The following RNF111 variants were observed in gnomAD, a reference collection of about 807,000 sequenced individuals.
RNF111 encodes ring finger protein 111, also known as E3 ubiquitin-protein ligase Arkadia.
In RNF111, 17 loss-of-function variants were observed where a neutral mutation model predicts 95.1. That is an observed-to-expected ratio of 0.18 (90% CI 0.12 to 0.27). RNF111 has a LOEUF of 0.27. Ranked by LOEUF, RNF111 falls within the 10% of genes least tolerant of loss-of-function variation. RNF111 has a pLI of 1.00. For missense variants in RNF111, 1,189 were observed against 1,210.4 expected, an observed-to-expected ratio of 0.98 and a Z score of 0.26; for synonymous variants, 440 against 414.8, an observed-to-expected ratio of 1.06 and a Z score of -0.74.
At chr15:58,990,162 C>A (rs1219012404) in intron 1 of RNF111, among the ~76,000 whole-genome samples, 2 of 152,132 alleles carry the variant, frequency 1.3e-5, no homozygotes, top group Non-Finnish European at 2.9e-5. Context: ...ATTGTTAACC[C>A]TCCTTGGGCT....
chr15:58,991,676 G>A (rs570923159), intron 1 of RNF111, among the ~76,000 whole-genome samples: 5 of 152,318 alleles, frequency 3.3e-5, no homozygotes, highest in Non-Finnish European at 5.9e-5. Context: ...AGATAGCAGG[G>A]GCGGCAAATG....
chr15:59,085,567 G>A lies in RNF111; in HGVS notation c.2424-92G>A, dbSNP rs374289514. The stretch of plus-strand genomic sequence containing the variant: ...CAGCTTTGTAAGTTAAGAAACCTTA[G>A]ATTACTTTTTTAAGTGTAAACATAA... On this transcript the variant is annotated intron_variant, in intron 9 of 13. Transcript: ENST00000348370. 122 of 1,106,906 alleles carry A rather than the reference G, an allele frequency of 1.1e-4. 1 individual carries two copies. In the East Asian group the frequency reaches 1.6e-3, roughly 15 times the overall value. The allele number at this position is 1,106,906 out of a possible 1,614,324, so 68.6% of individuals were successfully genotyped here. A position where few individuals can be genotyped will look rare whatever the true frequency, so the allele number is the denominator to read the frequency against.
intron 13 of RNF111, among the ~76,000 whole-genome samples, 179 bp from the exon 14 acceptor site, chr15:59,094,604 A>T (rs2079143887): frequency 6.6e-6 from 1 of 152,106 alleles, no homozygotes; most frequent in Non-Finnish European, 1.5e-5. Context: ...AAAGTTAATT[A>T]TCTTGATCAT....
At chr15:59,037,614 A>G (rs2041241728) in intron 2 of RNF111, among the ~76,000 whole-genome samples, 1 of 152,202 alleles carries the variant, frequency 6.6e-6, no homozygotes, top group Non-Finnish European at 1.5e-5. Context: ...AGGCAGGTGG[A>G]TCACCTGAGG....
chr15:59,009,783 C>T (rs1467547312), intron 1 of RNF111, among the ~76,000 whole-genome samples: 2 of 151,874 alleles, frequency 1.3e-5, no homozygotes, highest in African/African-American at 4.8e-5. Context: ...GGCAAAACCT[C>T]GTCTCTGCAA....
At chr15:59,018,623 C>A (rs1163680082) in intron 1 of RNF111, among the ~76,000 whole-genome samples, 2 of 152,046 alleles carry the variant, frequency 1.3e-5, no homozygotes, top group African/African-American at 2.4e-5. Context: ...TAAATTTCTA[C>A]CCTATTGTTT....
intron 1 of RNF111, among the ~76,000 whole-genome samples, chr15:59,012,853 C>G (rs1416639450): frequency 2.6e-5 from 4 of 152,106 alleles, no homozygotes; most frequent in African/African-American, 9.7e-5. Flanking sequence ...ATTCTCCCAC[C>G]TCAGCCTCCC....
intron 1 of RNF111, among the ~76,000 whole-genome samples, chr15:59,025,853 C>T (rs1361136003): frequency 2.0e-5 from 3 of 152,078 alleles, no homozygotes; most frequent in Non-Finnish European, 4.4e-5. Flanking sequence ...GCCTCAGCCT[C>T]CCGAGTAGCT....
intron 1 of RNF111, among the ~76,000 whole-genome samples, chr15:59,020,682 C>G (rs2040296323): frequency 6.6e-6 from 1 of 152,042 alleles, no homozygotes; most frequent in African/African-American, 2.4e-5. Context: ...GAAATTGAAA[C>G]CTATTAGTTG....
intron 5 of RNF111, among the ~76,000 whole-genome samples, chr15:59,061,595 T>C (rs1211410303): frequency 2.6e-5 from 4 of 152,228 alleles, no homozygotes; most frequent in East Asian, 1.9e-4. Context: ...ATATAAACTT[T>C]TGTGGCTCTC....
chr15:59,015,339 CATT>C (rs1485912894), intron 1 of RNF111, among the ~76,000 whole-genome samples: 2 of 152,014 alleles, frequency 1.3e-5, no homozygotes, highest in Non-Finnish European at 2.9e-5. Context: ...TTTATTTTAT[CATT>C]CTTATGAATT....
intron 1 of RNF111, among the ~76,000 whole-genome samples, chr15:59,010,637 G>C (rs376816195): frequency 4.6e-5 from 7 of 152,194 alleles, no homozygotes; most frequent in African/African-American, 1.7e-4. Flanking sequence ...CCTGACATCA[G>C]GTGATCTGCC....
intron 1 of RNF111, among the ~76,000 whole-genome samples, chr15:59,014,196 C>T (rs1432976259): frequency 1.3e-5 from 2 of 152,132 alleles, no homozygotes; most frequent in South Asian, 4.1e-4. Flanking sequence ...TTCCAGTGTC[C>T]TGTTTGACAT....
chr15:59,067,161 T>C, intron 6 of RNF111, 78 bp downstream of exon 6: 1 of 1,192,246 alleles, frequency 8.4e-7, no homozygotes, highest in Non-Finnish European at 1.2e-6. Flanking sequence ...TTTCTCTCTC[T>C]TCCTCTTCCT....
At chr15:59,032,214 C>T (rs565317048) in intron 2 of RNF111, among the ~76,000 whole-genome samples, 2 of 152,308 alleles carry the variant, frequency 1.3e-5, no homozygotes, top group Non-Finnish European at 2.9e-5. Context: ...GATGGGATTA[C>T]AGGCATGAGC....
Position 59,066,896 on chromosome 15 carries a change from C to G in RNF111, c.1499C>G (p.Pro500Arg). The change falls in exon 6 of 14, where the codon CCT becomes CGT. Residue 500 changes from proline to arginine, a missense_variant. Pro to Arg is a moderately radical substitution (Grantham distance 103). Coordinates refer to ENST00000348370, the MANE Select transcript of RNF111 (RefSeq NM_017610.8). ...CAGAACCACCATGCATTAGGACATC[C>G]TCATACAAGTTGCTTTCAGCAGCAT... is the stretch of plus-strand genomic sequence containing the variant. ...SSQNHHALGH[P>R]HTSCFQQHGH... is the part of the protein sequence containing the mutation. The G allele has an allele frequency of 1.2e-6, 2 of 1,614,060 alleles. No homozygotes were observed. The highest frequency in any genetic ancestry group is 1.7e-6 in the Non-Finnish European group (2 of 1,180,008).
intron 1 of RNF111, among the ~76,000 whole-genome samples, chr15:59,022,631 G>A (rs1319876374): frequency 6.6e-6 from 1 of 152,178 alleles, no homozygotes; most frequent in Non-Finnish European, 1.5e-5. Context: ...TTAAGGTTAA[G>A]GAGTATAGTG....
intron 9 of RNF111, among the ~76,000 whole-genome samples, chr15:59,085,018 C>T (rs2078857272): frequency 6.6e-6 from 1 of 152,198 alleles, no homozygotes; most frequent in Admixed American, 6.5e-5. Flanking sequence ...AGCCTGCCTT[C>T]TCCTAGACTT....
chr15:59,080,445 A>G (rs937147840), intron 7 of RNF111, among the ~76,000 whole-genome samples: 5 of 152,100 alleles, frequency 3.3e-5, no homozygotes, highest in Non-Finnish European at 7.4e-5. Context: ...CTTGATGGAA[A>G]TATTAATTAT....
Sources: gnomAD v4.1 joint callset for allele counts (sites outside exome capture counted in the v4.1 genomes callset) on GRCh38, gnomAD v4.1.1 for gene constraint, MANE v1.5 for transcripts, NCBI Gene and HGNC (gene_info 2026-07-23, HGNC 2026-07-21) for gene names.